Variants in PHACTR2 observed in about 807,000 individuals in gnomAD.
The protein encoded by PHACTR2 is phosphatase and actin regulator 2.
In PHACTR2, 30 loss-of-function variants were observed where a neutral mutation model predicts 76.0. The ratio of observed to expected loss-of-function variants is 0.39; its 90% CI spans 0.30 to 0.54. The LOEUF is 0.54. Ranked by LOEUF, PHACTR2 falls within the 20% of genes least tolerant of loss-of-function variation. PHACTR2 has a pLI of 0.61. For missense variants in PHACTR2, 696 were observed against 781.1 expected, an observed-to-expected ratio of 0.89 and a Z score of 1.30; for synonymous variants, 292 against 292.5, an observed-to-expected ratio of 1.00 and a Z score of 0.02.
Position 143,806,525 on chromosome 6 carries a change from G to A in PHACTR2, c.1846-532G>A, listed in dbSNP as rs182210816. Among the ~76,000 whole-genome samples, 1 of 152,268 alleles carries A rather than the reference G, an allele frequency of 6.6e-6. No homozygotes were observed. The highest frequency in any genetic ancestry group is 1.5e-5 in the Non-Finnish European group (1 of 68,020). ...GGTCATCGTGGGTGGGGGATGTTCC[G>A]TGTGACTCATAGACCAGACTCAAGG... On this transcript the variant is annotated intron_variant, in intron 11 of 12. Transcript: ENST00000440869. This position sits in a 1 kb window ranked among gnomAD's most constrained non-coding sequence, Gnocchi z 5.8.
Position 143,680,409 on chromosome 6 carries a change from A to C in PHACTR2, c.46+2200A>C, listed in dbSNP as rs1396751764. Among the ~76,000 whole-genome samples, 1 of 152,206 alleles carries C rather than the reference A, an allele frequency of 6.6e-6. No individual in the cohort carries two copies. Among genetic ancestry groups the C allele is most frequent in the Non-Finnish European group, 1.5e-5 (1 of 68,014 alleles). Reference sequence around the variant, plus strand: ...TCTCATCTTAAATGCTTAGTGGGCGAAAATCTGTTTAAGTCAAAGGAATCA... The same window carrying C: ...TCTCATCTTAAATGCTTAGTGGGCGCAAATCTGTTTAAGTCAAAGGAATCA... On this transcript the variant is annotated intron_variant, in intron 1 of 12. Coordinates refer to ENST00000440869, the MANE Select transcript of PHACTR2 (RefSeq NM_001100164.2). The surrounding 1 kb of genome is among the most constrained non-coding windows in gnomAD (Gnocchi z 4.5).
chr6:143,749,301 A>G (rs1779136315), intron 3 of PHACTR2, among the ~76,000 whole-genome samples: 1 of 152,190 alleles, frequency 6.6e-6, no homozygotes, highest in African/African-American at 2.4e-5. Flanking sequence ...TTCTAAACCT[A>G]AAACTCTGCA....
Position 143,658,793 on chromosome 6 carries a change from G to A in PHACTR2, c.13+50471G>A, listed in dbSNP as rs539071483. Among the ~76,000 whole-genome samples the A allele has an allele frequency of 2.1e-3, 317 of 152,268 alleles. 1 individual carries two copies. The highest frequency in any genetic ancestry group is 6.8e-3 in the Middle Eastern group (2 of 294). On this transcript the variant is annotated intron_variant, in intron 1 of 11. Coordinates refer to the PHACTR2 transcript ENST00000305766. This position sits in a 1 kb window ranked among gnomAD's most constrained non-coding sequence, Gnocchi z 4.1. ...TAATCTCAGCACTTCGGGAGGCCAA[G>A]GTGGCAGGATCACTTGAGGTCAAGA...
rs915901105 is a variant in PHACTR2, at chr6:143,611,453, A to C, written c.13+3131A>C. On this transcript the variant is annotated intron_variant, in intron 1 of 11. Transcript: ENST00000305766. The surrounding 1 kb of genome is among the most constrained non-coding windows in gnomAD (Gnocchi z 4.4). ...GGTTTGGAGTGGAGTAGTCGAGAGC[A>C]TCAGATAATTTTAGCTGAACGTTGG... Among the ~76,000 whole-genome samples, 4 of 152,228 alleles carry C rather than the reference A, an allele frequency of 2.6e-5. No homozygotes were observed. The highest frequency in any genetic ancestry group is 4.4e-5 in the Non-Finnish European group (3 of 68,030).
rs7757545 is a variant in PHACTR2, at chr6:143,784,951, C to A, written c.1707+1671C>A. On this transcript the variant is annotated intron_variant, in intron 10 of 12. Transcript: ENST00000440869. This position sits in a 1 kb window ranked among gnomAD's most constrained non-coding sequence, Gnocchi z 4.5. ...CAACACATGGGAATTCTGGGAGATA[C>A]AATTCAAGTTGAGATTTGGGTGGGG... Among the ~76,000 whole-genome samples the A allele has an allele frequency of 6.6e-6, 1 of 151,946 alleles. No homozygotes were observed. Among genetic ancestry groups the A allele is most frequent in the African/African-American group, 2.4e-5 (1 of 41,370 alleles).
Position 143,557,928 on chromosome 6 carries a change from G to A in PHACTR2, c.217+20721G>A, listed in dbSNP as rs962817526. The A allele has an allele frequency of 6.6e-6, 1 of 152,128 alleles. No individual in the cohort carries two copies. Among genetic ancestry groups the A allele is most frequent in the African/African-American group, 2.4e-5 (1 of 41,394 alleles). 9.4% of individuals were successfully genotyped at this position (152,128 alleles called of 1,614,324 possible). A position where few individuals can be genotyped will look rare whatever the true frequency, so the allele number is the denominator to read the frequency against. On this transcript the variant is annotated intron_variant, in intron 1 of 11. Coordinates refer to the PHACTR2 transcript ENST00000367584. The surrounding 1 kb of genome is among the most constrained non-coding windows in gnomAD (Gnocchi z 5.5). The stretch of plus-strand genomic sequence containing the variant: ...TTTTTTTCCCCCTTTGCTTTGTTTT[G>A]TTTTCTCATTCCTGCCTCAGCAATA...
rs5880566 is a variant in PHACTR2, at chr6:143,559,690, C to CTTTTTTTTTTTTTTTTTTTTTTTTTTTT, written c.217+22492_217+22519dup. Among the ~76,000 whole-genome samples the CTTTTTTTTTTTTTTTTTTTTTTTTTTTT allele has an allele frequency of 3.4e-4, 11 of 31,904 alleles. 3 individuals carry two copies. The highest frequency in any genetic ancestry group is 3.8e-4 in the African/African-American group (3 of 7,884). 20.9% of individuals were successfully genotyped at this position (31,904 alleles called of 152,430 possible). A position where few individuals can be genotyped will look rare whatever the true frequency, so the allele number is the denominator to read the frequency against. ...TAAAAATACCAGTGATTTTTCTTTT[C>CTTTTTTTTTTTTTTTTTTTTTTTTTTTT]TTTTTTTTTTTTTTTTTTTTTTTTT... On this transcript the variant is annotated intron_variant, in intron 1 of 11. Coordinates refer to the PHACTR2 transcript ENST00000367584.
Position 143,739,302 on chromosome 6 carries a change from A to T in PHACTR2, c.215-9683A>T, listed in dbSNP as rs972867149. On this transcript the variant is annotated intron_variant, in intron 2 of 12. Transcript: ENST00000440869. This position sits in a 1 kb window ranked among gnomAD's most constrained non-coding sequence, Gnocchi z 4.3. Reference sequence around the variant, plus strand: ...ATGGTCTCGATCTGCTGACCTCATGATCCACCAGCCTCGGCATCCCAAAGT... The same window carrying T: ...ATGGTCTCGATCTGCTGACCTCATGTTCCACCAGCCTCGGCATCCCAAAGT... Among the ~76,000 whole-genome samples the T allele has an allele frequency of 1.3e-5, 2 of 152,154 alleles. No homozygotes were observed. Among genetic ancestry groups the T allele is most frequent in the Non-Finnish European group, 2.9e-5 (2 of 68,022 alleles).
In PHACTR2 at chr6:143,760,704, ATTGTTTC is replaced by A; in HGVS notation, c.694+67_694+73del. The A allele has an allele frequency of 2.6e-6, 4 of 1,564,588 alleles. No individual in the cohort carries two copies. In the South Asian group the frequency reaches 4.7e-5, roughly 18 times the overall value. On this transcript the variant is annotated intron_variant, in intron 5 of 12. Transcript: ENST00000440869. This position sits in a 1 kb window ranked among gnomAD's most constrained non-coding sequence, Gnocchi z 6.4. Reference sequence around the variant, plus strand: ...GGTGCTTGGCTCTGGGATGGGGCTAATTGTTTCTTCTAGGTGTGATGGGCTTTTGGTG... The same window carrying A: ...GGTGCTTGGCTCTGGGATGGGGCTAATTCTAGGTGTGATGGGCTTTTGGTG...
In PHACTR2 at chr6:143,760,321, A is replaced by G; in HGVS notation, c.455-80A>G. On this transcript the variant is annotated intron_variant, in intron 4 of 12. Coordinates refer to ENST00000440869, the MANE Select transcript of PHACTR2 (RefSeq NM_001100164.2). This position sits in a 1 kb window ranked among gnomAD's most constrained non-coding sequence, Gnocchi z 6.4. ...GTACCAAGCAGACACGCTTTGTGTC[A>G]CTATCGTCATGTCTTGCTCCTTGTG... 7.8e-7 allele frequency: 1 copy of G among 1,278,480 alleles called. No individual in the cohort carries two copies. The highest frequency in any genetic ancestry group is 1.1e-6 in the Non-Finnish European group (1 of 915,050). The allele number at this position is 1,278,480 out of a possible 1,614,324, so 79.2% of individuals were successfully genotyped here.
intron 2 of PHACTR2, among the ~76,000 whole-genome samples, chr6:143,729,920 A>G (rs1778663485): frequency 6.8e-6 from 1 of 146,070 alleles, no homozygotes; most frequent in Non-Finnish European, 1.5e-5. Flanking sequence ...AGAAATTTCA[A>G]CAGCATTTGT....
rs970321173 is a variant in PHACTR2, at chr6:143,648,470, G to T, written c.13+40148G>T. Among the ~76,000 whole-genome samples the T allele has an allele frequency of 9.9e-5, 15 of 152,184 alleles. No individual in the cohort carries two copies. Among genetic ancestry groups the T allele is most frequent in the Non-Finnish European group, 1.9e-4 (13 of 68,028 alleles). ...GTCCCTGGGAGGGGGGGACGAGGAG[G>T]AACAGACCAAACAAAGCATGGCTGA... On this transcript the variant is annotated intron_variant, in intron 1 of 11. Transcript: ENST00000305766. The surrounding 1 kb of genome is among the most constrained non-coding windows in gnomAD (Gnocchi z 6.7).
At position 143,742,236 on chromosome 6, in the gene PHACTR2, G is replaced by A. The variant is rs538853927; in HGVS notation, c.215-6749G>A. ...CATGTAACTGAAAAATCCAGGGGCAGAAAACCTTCAGGCGTGGTTGGATCC... is the reference window on the plus strand; with the variant it reads ...CATGTAACTGAAAAATCCAGGGGCAAAAAACCTTCAGGCGTGGTTGGATCC... On this transcript the variant is annotated intron_variant, in intron 2 of 12. Coordinates refer to ENST00000440869, the MANE Select transcript of PHACTR2 (RefSeq NM_001100164.2). This position sits in a 1 kb window ranked among gnomAD's most constrained non-coding sequence, Gnocchi z 4.5. 2.0e-5 allele frequency among the ~76,000 whole-genome samples: 3 copies of A among 152,294 alleles called. 1 individual carries two copies. The South Asian group carries it at 6.2e-4, about 32-fold the overall frequency.
Position 143,544,370 on chromosome 6 carries a change from G to A in PHACTR2, c.217+7163G>A, listed in dbSNP as rs546199359. Among the ~76,000 whole-genome samples the A allele has an allele frequency of 1.1e-4, 17 of 151,908 alleles. No homozygotes were observed. The South Asian group carries it at 2.5e-3, about 22-fold the overall frequency. On this transcript the variant is annotated intron_variant, in intron 1 of 11. Coordinates refer to the PHACTR2 transcript ENST00000367584. ...ACAGGAGTGTTGCCATGACCCTTAC[G>A]ATAGGTGAGAAAAGGTATCACACCT...
rs995630971 is a variant in PHACTR2 at position 143,680,514 on chromosome 6, C to T, written c.46+2305C>T. Among the ~76,000 whole-genome samples, 1 of 152,180 alleles carries T rather than the reference C, an allele frequency of 6.6e-6. No homozygotes were observed. Among genetic ancestry groups the T allele is most frequent in the African/African-American group, 2.4e-5 (1 of 41,444 alleles). On this transcript the variant is annotated intron_variant, in intron 1 of 12. Transcript: ENST00000440869. This position sits in a 1 kb window ranked among gnomAD's most constrained non-coding sequence, Gnocchi z 4.5. ...ATCTTCATTATAGGCTAGAAGTTAG[C>T]TTGCTTTCCCCGTTTTGACTTTAGG...
At chr6:143,634,407 CTT>C (rs1776416358) in intron 1 of PHACTR2, among the ~76,000 whole-genome samples, 1 of 152,156 alleles carries the variant, frequency 6.6e-6, no homozygotes, top group East Asian at 1.9e-4. Flanking sequence ...AAAAATGAAA[CTT>C]AATTTTAAAA....
rs1776692701 is a variant in PHACTR2 at position 143,648,194 on chromosome 6, G to C, written c.13+39872G>C. 6.6e-6 allele frequency among the ~76,000 whole-genome samples: 1 copy of C among 152,144 alleles called. No individual in the cohort carries two copies. Among genetic ancestry groups the C allele is most frequent in the African/African-American group, 2.4e-5 (1 of 41,424 alleles). On this transcript the variant is annotated intron_variant, in intron 1 of 11. Transcript: ENST00000305766. The surrounding 1 kb of genome is among the most constrained non-coding windows in gnomAD (Gnocchi z 6.7). ...TACAGACAGCATCCTGTTAAGGACC[G>C]CAGTGTTTTCTGCAACTTCTTCCAT...
rs1170727151 is a variant in PHACTR2, at chr6:143,547,013, G to A, written c.217+9806G>A. ...GATTGTGGCACTGCACTCCAGCCTG[G>A]GTAACAAAGTGTGACCCCATCTAAA... On this transcript the variant is annotated intron_variant, in intron 1 of 11. Transcript: ENST00000367584. This position sits in a 1 kb window ranked among gnomAD's most constrained non-coding sequence, Gnocchi z 4.2. Among the ~76,000 whole-genome samples, 1 of 151,992 alleles carries A rather than the reference G, an allele frequency of 6.6e-6. No individual in the cohort carries two copies. Among genetic ancestry groups the A allele is most frequent in the African/African-American group, 2.4e-5 (1 of 41,382 alleles).
chr6:143,678,185 A>T lies in PHACTR2; in HGVS notation c.22A>T (p.Thr8Ser), dbSNP rs1200706343. 1 of 1,538,894 alleles carries T rather than the reference A, an allele frequency of 6.5e-7. No homozygotes were observed. The highest frequency in any genetic ancestry group is 1.4e-5 in the African/African-American group (1 of 71,078). The change falls in exon 1 of 13, where the codon ACG becomes TCG. Residue 8 changes from threonine to serine, a missense_variant. This residue lies in a region of PHACTR2 where 460 missense variants were observed against 450.9 expected (regional missense o/e 1.02). Transcript: ENST00000440869. The surrounding 1 kb of genome is among the most constrained non-coding windows in gnomAD (Gnocchi z 6.2). The stretch of plus-strand genomic sequence containing the variant: ...AGTCATGGGCCAGACCTCGGTGTCC[A>T]CGCTGTCCCCGCAGCCCGGCAGCGG... Reference protein sequence around the residue: MGQTSVSTLSPQPGSVDG... With the variant: MGQTSVSSLSPQPGSVDG...
Sources: allele counts gnomAD v4.1 joint callset (sites outside exome capture counted in the v4.1 genomes callset), GRCh38; gene constraint gnomAD v4.1.1; regional missense constraint gnomAD v4.1.1; non-coding constraint Gnocchi (gnomAD v3.1); transcripts MANE v1.5; gene names NCBI Gene and HGNC (gene_info 2026-07-23, HGNC 2026-07-21).